RTTN: variants seen among roughly 807,000 people sequenced by gnomAD.
RTTN encodes the protein rotatin.
In RTTN, 182 loss-of-function variants were observed where a neutral mutation model predicts 269.2. The ratio of observed to expected loss-of-function variants is 0.68; its 90% CI spans 0.60 to 0.76. The LOEUF is 0.76. Among genes scored for constraint, RTTN ranks in the 30% least tolerant of loss-of-function variants. The pLI is 0.00. For missense variants in RTTN, 2,545 were observed against 2,608.6 expected, an observed-to-expected ratio of 0.98 and a Z score of 0.53; for synonymous variants, 1,006 against 963.5, an observed-to-expected ratio of 1.04 and a Z score of -0.82.
intron 11 of RTTN, among the ~76,000 whole-genome samples, chr18:70,172,423 C>G (rs2061166316): frequency 6.6e-6 from 1 of 152,120 alleles, no homozygotes; most frequent in African/African-American, 2.4e-5. Context: ...TAGCAACAGA[C>G]AGAGGGCAGC....
chr18:70,149,125 G>A (rs1040271675), intron 16 of RTTN, 88 bp from the exon 17 acceptor site: 1 of 1,127,106 alleles, frequency 8.9e-7, no homozygotes, highest in Admixed American at 2.3e-5. Context: ...TGTCCTATCA[G>A]CAACTCATAA....
In RTTN at chr18:70,168,859, T is replaced by C. The variant is rs374130370; in HGVS notation, c.1685A>G (p.Lys562Arg). The change falls in exon 12 of 49, where the codon AAA becomes AGA. Residue 562 changes from lysine (K) to arginine (R), a missense_variant. Transcript: ENST00000640769. ...CTCNFLSDIG[K>R]EGEKNLLELV... is the part of the protein sequence containing the mutation. ...GATATTAAAAAAGCTTTTTACCTCT[T>C]TCCCAATATCAGACAGGAAGTTACA... The C allele has an allele frequency of 2.5e-6, 4 of 1,601,102 alleles. No homozygotes were observed. The African/African-American group carries it at 4.0e-5, about 16-fold the overall frequency.
chr18:70,031,241 C>T (rs1182536702), intron 40 of RTTN: 10 of 523,418 alleles, frequency 1.9e-5, no homozygotes, highest in Non-Finnish European at 3.0e-5. Flanking sequence ...TTAGCTTTCA[C>T]GTAGCAAGCT....
At chr18:70,199,911 A>G (rs2061906859) in intron 4 of RTTN, among the ~76,000 whole-genome samples, 1 of 152,386 alleles carries the variant, frequency 6.6e-6, no homozygotes, top group South Asian at 2.1e-4. Flanking sequence ...ATAATGATAT[A>G]CCATATCTAG....
At position 70,075,450 on chromosome 18, in the gene RTTN, T is replaced by C; in HGVS notation, c.4466A>G (p.His1489Arg). ...ALLYHCHFYE[H>R]LNQMVKHCYL... ...ACAATGCTTTACCATCTGATTCAAA[T>C]GTTCATAAAAATGGCAGTGATATAA... is the stretch of plus-strand genomic sequence containing the variant. Residue 1489 changes from histidine (H) to arginine (R), a missense_variant, in exon 33 of 49, where the codon CAT becomes CGT. His to Arg is a conservative substitution (Grantham distance 29). Transcript: ENST00000640769. The C allele has an allele frequency of 1.2e-6, 2 of 1,609,366 alleles. No homozygotes were observed. Among genetic ancestry groups the C allele is most frequent in the Admixed American group, 1.7e-5 (1 of 59,262 alleles).
chr18:70,202,032 A>T (rs1342568303), intron 3 of RTTN, 49 bp from the exon 4 acceptor site: 1 of 1,074,028 alleles, frequency 9.3e-7, no homozygotes. Context: ...TATTTGCTAA[A>T]AGTGAAACTT....
Position 70,108,501 on chromosome 18 carries a change from A to G in RTTN, c.3903+997T>C, listed in dbSNP as rs2059381723. On this transcript the variant is annotated intron_variant, in intron 28 of 48. Coordinates refer to ENST00000640769, the MANE Select transcript of RTTN (RefSeq NM_173630.4). ...ACATTCTCCCATTTTAGTCATAAGA[A>G]CGGAATGATTTTGATTATTAAAAAC... Among the ~76,000 whole-genome samples the G allele has an allele frequency of 2.0e-5, 3 of 152,288 alleles. No individual in the cohort carries two copies. The South Asian group carries it at 6.2e-4, about 32-fold the overall frequency.
intron 25 of RTTN, among the ~76,000 whole-genome samples, chr18:70,126,478 C>T (rs753130635): frequency 7.9e-5 from 12 of 151,982 alleles, no homozygotes; most frequent in Non-Finnish European, 1.5e-4. Context: ...TGTGGAGCTA[C>T]CATGTAACAT....
Position 70,109,709 on chromosome 18 carries a change from G to C in RTTN, c.3692C>G (p.Ser1231Trp). The change falls in exon 28 of 49, where the codon TCG becomes TGG. Residue 1231 changes from serine to tryptophan, a missense_variant. Ser to Trp is a radical substitution (Grantham distance 177). Transcript: ENST00000640769. Reference protein sequence around the residue: ...NFMEVTDRKCSELLYVFQTQL... With the variant: ...NFMEVTDRKCWELLYVFQTQL... ...CGTTTGAAAAACGTAAAGAAGTTCC[G>C]AGCATTTCCTATGTATGCAAAAGAG... The C allele has an allele frequency of 6.2e-7, 1 of 1,613,690 alleles. No individual in the cohort carries two copies. Among genetic ancestry groups the C allele is most frequent in the Non-Finnish European group, 8.5e-7 (1 of 1,179,862 alleles).
At position 70,205,683 on chromosome 18, in the gene RTTN, C is replaced by G. The variant is rs2062063613; in HGVS notation, c.-25G>C. ...TCTCGTCCCGTCAATCTGCAGCCGCCGGAGAATTAAACTGCCGCGCCACTG... is the reference window on the plus strand; with the variant it reads ...TCTCGTCCCGTCAATCTGCAGCCGCGGGAGAATTAAACTGCCGCGCCACTG... On this transcript the variant is annotated 5_prime_UTR_variant, in exon 1 of 49. Coordinates refer to ENST00000640769, the MANE Select transcript of RTTN (RefSeq NM_173630.4). 24 of 1,614,012 alleles carry G rather than the reference C, an allele frequency of 1.5e-5. No individual in the cohort carries two copies. The East Asian group carries it at 5.4e-4, about 36-fold the overall frequency.
intron 28 of RTTN, among the ~76,000 whole-genome samples, chr18:70,103,617 T>C (rs906098600): frequency 1.3e-5 from 2 of 152,034 alleles, no homozygotes; most frequent in African/African-American, 2.4e-5. Context: ...ACACAGACAC[T>C]GCGGAAGGCC....
At chr18:70,061,604 G>A (rs1391795084) in intron 35 of RTTN, among the ~76,000 whole-genome samples, 1 of 152,086 alleles carries the variant, frequency 6.6e-6, no homozygotes, top group African/African-American at 2.4e-5. Context: ...TGTGAGGCTG[G>A]GGTAGGAGGA....
At chr18:70,154,611 A>G (rs1365542768) in intron 14 of RTTN, among the ~76,000 whole-genome samples, 1 of 152,092 alleles carries the variant, frequency 6.6e-6, no homozygotes, top group Admixed American at 6.5e-5. Context: ...TTCTTACTCA[A>G]CTTGAAATAT....
At chr18:70,024,988 A>C in intron 43 of RTTN, 140 bp from the exon 44 acceptor site, 1 of 912,322 alleles carries the variant, frequency 1.1e-6, no homozygotes, top group Non-Finnish European at 1.6e-6. Flanking sequence ...CCCCAGCCCC[A>C]TTGGGCTCCA....
chr18:70,182,568 G>A (rs2061444587), intron 10 of RTTN, among the ~76,000 whole-genome samples: 1 of 152,094 alleles, frequency 6.6e-6, no homozygotes, highest in Non-Finnish European at 1.5e-5. Flanking sequence ...ATTAACAGAA[G>A]AGATAGAATG....
At chr18:70,163,069 TAAAAAAAAAAAA>T (rs10559303) in intron 14 of RTTN, among the ~76,000 whole-genome samples, 101 of 56,984 alleles carry the variant, frequency 1.8e-3, no homozygotes, top group Non-Finnish European at 2.5e-3. Context: ...TTACTATTAT[TAAAAAAAAAAAA>T]AAAAAAAAAA....
At chr18:70,046,679 C>A (rs1330042751) in intron 40 of RTTN, among the ~76,000 whole-genome samples, 12 of 152,128 alleles carry the variant, frequency 7.9e-5, no homozygotes, top group Admixed American at 7.9e-4. Context: ...GTAGTAGGTA[C>A]AGGAAAGCTA....
intron 11 of RTTN, among the ~76,000 whole-genome samples, chr18:70,173,223 G>C (rs139845368): frequency 6.6e-6 from 1 of 152,046 alleles, no homozygotes; most frequent in Non-Finnish European, 1.5e-5. Flanking sequence ...GGCCAGGCGC[G>C]GTGGCTCATG....
chr18:70,032,081 G>A (rs1248708971), intron 40 of RTTN, among the ~76,000 whole-genome samples: 1 of 152,226 alleles, frequency 6.6e-6, no homozygotes, highest in African/African-American at 2.4e-5. Flanking sequence ...AGAGAGTTTG[G>A]TATGGGAGTG....
Sources: allele counts gnomAD v4.1 joint callset (sites outside exome capture counted in the v4.1 genomes callset), GRCh38; gene constraint gnomAD v4.1.1; transcripts MANE v1.5; gene names NCBI Gene and HGNC (gene_info 2026-07-23, HGNC 2026-07-21).